SEMA3E: variants seen among roughly 807,000 people sequenced by gnomAD.
SEMA3E encodes the protein semaphorin 3E.
SEMA3E carries 49 observed loss-of-function variants against 93.6 expected under a neutral mutation model. The observed-to-expected ratio is 0.52, with a 90% CI of 0.42 to 0.66. The LOEUF is 0.66. SEMA3E is among the 30% of genes least tolerant of loss of function. SEMA3E has a pLI of 0.00. For synonymous variants in SEMA3E, 363 were observed against 330.7 expected, an observed-to-expected ratio of 1.10 and a Z score of -1.06; for missense variants, 906 against 964.8, an observed-to-expected ratio of 0.94 and a Z score of 0.81.
intron 1 of SEMA3E, among the ~76,000 whole-genome samples, chr7:83,586,914 C>G (rs191265497): frequency 3.3e-5 from 5 of 152,240 alleles, no homozygotes; most frequent in African/African-American, 7.2e-5. Flanking sequence ...GACAAGTACA[C>G]AGTTTCCTTG....
At chr7:83,455,511 A>C (rs1267800484) in intron 4 of SEMA3E, among the ~76,000 whole-genome samples, 1 of 152,226 alleles carries the variant, frequency 6.6e-6, no homozygotes, top group Non-Finnish European at 1.5e-5. Flanking sequence ...ATATGGAAAG[A>C]ATACTGTGGT....
intron 4 of SEMA3E, among the ~76,000 whole-genome samples, chr7:83,442,671 TG>T (rs1208501890): frequency 6.6e-6 from 1 of 152,158 alleles, no homozygotes; most frequent in African/African-American, 2.4e-5. Flanking sequence ...TGTTTTGTTT[TG>T]TTTTTTATAG....
At chr7:83,604,521 CATATATATGTATATATAT>C (rs1468656893) in intron 1 of SEMA3E, among the ~76,000 whole-genome samples, 3 of 132,136 alleles carry the variant, frequency 2.3e-5, no homozygotes, top group Non-Finnish European at 4.7e-5. Flanking sequence ...CATATATATA[CATATATATGTATATATAT>C]ATATGTACAT....
intron 1 of SEMA3E, among the ~76,000 whole-genome samples, chr7:83,561,620 G>GCT (rs1455485694): frequency 6.6e-6 from 1 of 151,850 alleles, no homozygotes; most frequent in African/African-American, 2.4e-5. Flanking sequence ...AATCTCATGC[G>GCT]CTCTCATAGT....
chr7:83,563,183 C>T (rs1387347990), intron 1 of SEMA3E, among the ~76,000 whole-genome samples: 1 of 152,168 alleles, frequency 6.6e-6, no homozygotes, highest in Non-Finnish European at 1.5e-5. Context: ...ATCACAGATA[C>T]AGCGTTGATC....
At chr7:83,575,282 A>G (rs1792376110) in intron 1 of SEMA3E, among the ~76,000 whole-genome samples, 1 of 151,578 alleles carries the variant, frequency 6.6e-6, no homozygotes, top group South Asian at 2.1e-4. Context: ...TTAGATAGAA[A>G]TAGATCACAG....
At chr7:83,608,139 G>T (rs1266505796) in intron 1 of SEMA3E, among the ~76,000 whole-genome samples, 1 of 152,006 alleles carries the variant, frequency 6.6e-6, no homozygotes, top group African/African-American at 2.4e-5. Flanking sequence ...CTTGAACCCA[G>T]GAGGCAGAGG....
At chr7:83,439,210 G>C (rs1393335061) in intron 4 of SEMA3E, among the ~76,000 whole-genome samples, 2 of 152,158 alleles carry the variant, frequency 1.3e-5, no homozygotes, top group African/African-American at 4.8e-5. Flanking sequence ...TGCTGACTGA[G>C]TCATACTTGA....
rs1390426478 is a variant in SEMA3E, at chr7:83,575,874, C to T, written c.115+72554G>A. ...CCGTCAGAGTATAATTGCATCAAAC[C>T]TATAAGCAACTAGTTAAGTTGGCAA... On this transcript the variant is annotated intron_variant, in intron 1 of 16. Coordinates refer to ENST00000643230, the MANE Select transcript of SEMA3E (RefSeq NM_012431.3). Among the ~76,000 whole-genome samples, 4 of 147,598 alleles carry T rather than the reference C, an allele frequency of 2.7e-5. No homozygotes were observed. In the Admixed American group the frequency reaches 2.7e-4, roughly 10 times the overall value.
chr7:83,628,123 T>G (rs1178842423), intron 1 of SEMA3E, among the ~76,000 whole-genome samples: 1 of 152,164 alleles, frequency 6.6e-6, no homozygotes, highest in Non-Finnish European at 1.5e-5. Flanking sequence ...GTTCTTTTCT[T>G]TAAGAATGTT....
At chr7:83,643,591 T>C (rs1192414281) in intron 1 of SEMA3E, among the ~76,000 whole-genome samples, 2 of 151,956 alleles carry the variant, frequency 1.3e-5, no homozygotes, top group East Asian at 3.9e-4. Flanking sequence ...TATATCCAGA[T>C]GCACTGATGT....
intron 1 of SEMA3E, among the ~76,000 whole-genome samples, chr7:83,605,831 AG>A (rs1332562497): frequency 2.0e-5 from 3 of 152,122 alleles, no homozygotes; most frequent in Non-Finnish European, 2.9e-5. Context: ...AGTTCCTTGT[AG>A]ATTCTGGATA....
chr7:83,475,659 T>C (rs1415649053), intron 2 of SEMA3E, among the ~76,000 whole-genome samples: 1 of 151,652 alleles, frequency 6.6e-6, no homozygotes, highest in Non-Finnish European at 1.5e-5. Flanking sequence ...CTGTGTGCCA[T>C]GAGTAATAGT....
intron 14 of SEMA3E, among the ~76,000 whole-genome samples, chr7:83,390,113 A>G (rs141458590): frequency 0.071 from 5,439 of 76,320 alleles, 558 homozygotes; most frequent in East Asian, 0.074. Flanking sequence ...GTGTGCACAT[A>G]TATGCGCGTA....
chr7:83,567,224 C>G (rs1305590600), intron 1 of SEMA3E, among the ~76,000 whole-genome samples: 1 of 152,058 alleles, frequency 6.6e-6, no homozygotes, highest in African/African-American at 2.4e-5. Flanking sequence ...CAATCCTAAA[C>G]GTATATGTGC....
chr7:83,393,039 C>CA (rs59283673), intron 13 of SEMA3E, among the ~76,000 whole-genome samples: 12,635 of 128,684 alleles, frequency 0.098, 1,793 homozygotes, highest in African/African-American at 0.31. Context: ...AACTCCATCT[C>CA]AAAAAAAAAA....
intron 14 of SEMA3E, 84 bp downstream of exon 14, chr7:83,392,471 A>G: frequency 6.9e-7 from 1 of 1,442,984 alleles, no homozygotes. Context: ...TATTTTCTGG[A>G]AAACTTCAAG....
chr7:83,455,151 A>AT (rs1324316755), intron 4 of SEMA3E, among the ~76,000 whole-genome samples: 4 of 152,218 alleles, frequency 2.6e-5, no homozygotes, highest in Non-Finnish European at 5.9e-5. Flanking sequence ...TGCATGACTA[A>AT]TTTAGCCTGC....
At chr7:83,514,900 TATC>T (rs1265855847) in intron 1 of SEMA3E, among the ~76,000 whole-genome samples, 1 of 152,188 alleles carries the variant, frequency 6.6e-6, no homozygotes, top group Non-Finnish European at 1.5e-5. Context: ...AATAATTTGA[TATC>T]ATATTTACTT....
Sources: allele counts gnomAD v4.1 joint callset (sites outside exome capture counted in the v4.1 genomes callset), GRCh38; gene constraint gnomAD v4.1.1; transcripts MANE v1.5; gene names NCBI Gene and HGNC (gene_info 2026-07-23, HGNC 2026-07-21).